INF2: variants seen among roughly 807,000 people sequenced by gnomAD.
INF2 encodes the protein inverted formin-2.
In INF2, 43 loss-of-function variants were observed where a neutral mutation model predicts 123.5. The ratio of observed to expected loss-of-function variants is 0.35; its 90% CI spans 0.27 to 0.45. The LOEUF is 0.45. Ranked by LOEUF, INF2 falls within the 20% of genes least tolerant of loss-of-function variation. The pLI, the probability that INF2 is intolerant of heterozygous loss-of-function variation, is 1.00. For missense variants in INF2, 1,453 were observed against 1,682.7 expected, an observed-to-expected ratio of 0.86 and a Z score of 2.39; for synonymous variants, 851 against 745.0, an observed-to-expected ratio of 1.14 and a Z score of -2.32.
At chr14:104,704,362 A>G in intron 5 of INF2, 1 of 338,370 alleles carries the variant, frequency 3.0e-6, no homozygotes, top group South Asian at 3.6e-5. Context: ...AACTACCTAC[A>G]GGGTACAGTG....
At position 104,684,456 on chromosome 14, in the gene INF2, G is replaced by A; in HGVS notation, c.-104+2874G>A. ...GAACGATGCACACCACCGCGTGGAT[G>A]AGTCTCAGAGACTGTGGAGCGAAAG... On this transcript the variant is annotated intron_variant, in intron 1 of 2. Transcript: ENST00000674723. This position sits in a 1 kb window ranked among gnomAD's most constrained non-coding sequence, Gnocchi z 5.0. 4.7e-6 allele frequency: 1 copy of A among 211,898 alleles called. No individual in the cohort carries two copies. Among genetic ancestry groups the A allele is most frequent in the South Asian group, 7.1e-5 (1 of 14,164 alleles). 13.1% of individuals were successfully genotyped at this position (211,898 alleles called of 1,614,324 possible). A position where few individuals can be genotyped will look rare whatever the true frequency, so the allele number is the denominator to read the frequency against.
exon 1 of INF2, chr14:104,681,307 G>A (rs560331145): frequency 7.4e-6 from 3 of 403,082 alleles, no homozygotes; most frequent in Admixed American, 2.7e-5. Context: ...AGCACTGCCA[G>A]CGAAAGGTGA....
upstream of INF2, among the ~76,000 whole-genome samples, chr14:104,685,705 T>G (rs1415261598): frequency 1.4e-4 from 17 of 119,078 alleles, no homozygotes; most frequent in Admixed American, 5.9e-4. Context: ...ATGGATGTGT[T>G]GGTGGATAGG....
intron 1 of INF2, chr14:104,690,826 C>A (rs1888908653): frequency 1.3e-5 from 2 of 152,292 alleles, no homozygotes; most frequent in Admixed American, 1.3e-4. Context: ...GTGCCTCAGA[C>A]CCCGAGGGTG....
In INF2 at chr14:104,699,479, C is replaced by T. The variant is rs371782336; in HGVS notation, c.-9-1878C>T. 25 of 985,322 alleles carry T rather than the reference C, an allele frequency of 2.5e-5. No homozygotes were observed. The highest frequency in any genetic ancestry group is 4.7e-5 in the South Asian group (1 of 21,280). The allele number at this position is 985,322 out of a possible 1,614,324, so 61.0% of individuals were successfully genotyped here. ...GACCTGAGGCTGCCTGGGAGGGACCCGGCTGTCTCTGGCAGCTCAGCGGTC... is the reference window on the plus strand; with the variant it reads ...GACCTGAGGCTGCCTGGGAGGGACCTGGCTGTCTCTGGCAGCTCAGCGGTC... On this transcript the variant is annotated intron_variant, in intron 1 of 22. Transcript: ENST00000392634. This position sits in a 1 kb window ranked among gnomAD's most constrained non-coding sequence, Gnocchi z 4.7.
chr14:104,685,896 C>T (rs576928630), upstream of INF2, among the ~76,000 whole-genome samples: 1 of 91,902 alleles, frequency 1.1e-5, no homozygotes, highest in African/African-American at 4.5e-5. Flanking sequence ...AATGAATGGG[C>T]AGATGAATGG....
intron 1 of INF2, 92 bp downstream of exon 1, chr14:104,689,831 C>A: frequency 1.3e-6 from 1 of 781,778 alleles, no homozygotes; most frequent in Non-Finnish European, 1.6e-6. Flanking sequence ...GAGCGAGGTT[C>A]CGGGCTGCGG....
At chr14:104,715,079 C>G (rs563215168) in intron 21 of INF2, among the ~76,000 whole-genome samples, 1 of 152,192 alleles carries the variant, frequency 6.6e-6, no homozygotes, top group African/African-American at 2.4e-5. Context: ...CCGACCTTCA[C>G]GCCACCTCCG....
chr14:104,706,051 G>A lies in INF2; in HGVS notation c.718G>A (p.Asp240Asn), dbSNP rs755724154. ...LARLRDLEDADLLIQLEAFEE... is the reference protein window; with the variant it reads ...LARLRDLEDANLLIQLEAFEE... ...CCTGCACAGAGACCTGGAGGATGCC[G>A]ACCTGCTGATCCAGCTGGAGGCTTT... The change falls in exon 6 of 23, where the codon GAC becomes AAC. Residue 240 changes from aspartate (D) to asparagine (N), a missense_variant. Asp to Asn is a conservative substitution (Grantham distance 23). Transcript: ENST00000392634. 14 of 1,612,078 alleles carry A rather than the reference G, an allele frequency of 8.7e-6. No homozygotes were observed. Among genetic ancestry groups the A allele is most frequent in the Admixed American group, 3.3e-5 (2 of 59,982 alleles).
chr14:104,682,775 G>A (rs1346171507), intron 1 of INF2, among the ~76,000 whole-genome samples: 3 of 152,048 alleles, frequency 2.0e-5, no homozygotes, highest in Non-Finnish European at 4.4e-5. Flanking sequence ...CTAGGGGAAG[G>A]GCCACCCCAG....
rs377145979 is a variant in INF2, at chr14:104,712,972, C to G, written c.2755C>G (p.Leu919Val). 5.5e-5 allele frequency: 88 copies of G among 1,612,470 alleles called. No individual in the cohort carries two copies. The highest frequency in any genetic ancestry group is 7.2e-5 in the Non-Finnish European group (85 of 1,179,802). The change falls in exon 18 of 23, where the codon CTT becomes GTT. Residue 919 changes from leucine (L) to valine (V), a missense_variant. Transcript: ENST00000392634. ...CAGCACCATGAAGGCTTTCCGGGAC[C>G]TTTTCCTCCGCGCCCTGAAGGTGGG... is the stretch of plus-strand genomic sequence containing the variant. ...TFSTMKAFRD[L>V]FLRALKENKD...
intron 11 of INF2, 36 bp downstream of exon 11, chr14:104,709,419 G>C (rs1424796676): frequency 6.5e-7 from 1 of 1,534,706 alleles, no homozygotes; most frequent in East Asian, 2.3e-5. Context: ...CCCCCAGTTA[G>C]TGCCACCAAC....
At chr14:104,683,773 G>C (rs1888590464) in intron 1 of INF2, among the ~76,000 whole-genome samples, 1 of 152,092 alleles carries the variant, frequency 6.6e-6, no homozygotes, top group South Asian at 2.1e-4. Flanking sequence ...AAGATCATCA[G>C]GCAAGATCCA....
Position 104,711,316 on chromosome 14 carries a change from T to C in INF2, c.2418+130T>C, listed in dbSNP as rs551245048. Reference sequence around the variant, plus strand: ...GGTCTCCCTGTCTCAGGGCTCCGTCTAGAGCCAGCAGCCTCAGTCAGAGCC... The same window carrying C: ...GGTCTCCCTGTCTCAGGGCTCCGTCCAGAGCCAGCAGCCTCAGTCAGAGCC... On this transcript the variant is annotated intron_variant, in intron 15 of 22. Coordinates refer to ENST00000392634, the MANE Select transcript of INF2 (RefSeq NM_022489.4). The C allele has an allele frequency of 2.5e-4, 207 of 818,772 alleles. 2 individuals are homozygous for C. In the East Asian group the frequency reaches 5.5e-3, roughly 22 times the overall value. The allele number at this position is 818,772 out of a possible 1,614,324, so 50.7% of individuals were successfully genotyped here. A position where few individuals can be genotyped will look rare whatever the true frequency, so the allele number is the denominator to read the frequency against.
chr14:104,718,402 C>T lies in INF2; in HGVS notation c.*2-393C>T, dbSNP rs192906619. 3.3e-3 allele frequency among the ~76,000 whole-genome samples: 500 copies of T among 152,066 alleles called. 3 individuals are homozygous for T. The highest frequency in any genetic ancestry group is 0.012 in the South Asian group (60 of 4,814). Reference sequence around the variant, plus strand: ...CTGGAGAAAGCGCTGCTGGGGTCCTCGTGTGGGGCCCAGGGCCCGACGTGG... The same window carrying T: ...CTGGAGAAAGCGCTGCTGGGGTCCTTGTGTGGGGCCCAGGGCCCGACGTGG... On this transcript the variant is annotated intron_variant, in intron 22 of 22. Transcript: ENST00000392634.
chr14:104,687,495 C>G (rs1293813048), upstream of INF2, among the ~76,000 whole-genome samples: 1 of 151,820 alleles, frequency 6.6e-6, no homozygotes, highest in Non-Finnish European at 1.5e-5. The surrounding 1 kb of genome is among the most constrained non-coding windows in gnomAD (Gnocchi z 5.6). Flanking sequence ...CACACACACA[C>G]AGACACACAC....
intron 22 of INF2, among the ~76,000 whole-genome samples, chr14:104,716,350 C>G (rs1890299065): frequency 6.6e-6 from 1 of 152,268 alleles, no homozygotes; most frequent in Non-Finnish European, 1.5e-5. Flanking sequence ...CGGCCTTCAC[C>G]CTGGGTTCCA....
chr14:104,707,116 G>A (rs7147340), intron 7 of INF2, 65 bp downstream of exon 7: 38 of 1,522,214 alleles, frequency 2.5e-5, no homozygotes, highest in Non-Finnish European at 8.8e-6. Context: ...TTAGACCATG[G>A]GGGGGGGAGC....
At position 104,689,749 on chromosome 14, in the gene INF2, T is replaced by A. The variant is rs1888845941; in HGVS notation, c.-10+10T>A. 1 of 984,898 alleles carries A rather than the reference T, an allele frequency of 1.0e-6. No homozygotes were observed. 61.0% of individuals were successfully genotyped at this position (984,898 alleles called of 1,614,324 possible). A position where few individuals can be genotyped will look rare whatever the true frequency, so the allele number is the denominator to read the frequency against. ...GCCGTTGCCTCACCGGGTAAGTCCTTGGCCTCGGGGTCCGCTTGGAGCTTC... is the reference window on the plus strand; with the variant it reads ...GCCGTTGCCTCACCGGGTAAGTCCTAGGCCTCGGGGTCCGCTTGGAGCTTC... On this transcript the variant is annotated intron_variant, in intron 1 of 22. Coordinates refer to ENST00000392634, the MANE Select transcript of INF2 (RefSeq NM_022489.4).
Sources: gnomAD v4.1 joint callset for allele counts (sites outside exome capture counted in the v4.1 genomes callset) on GRCh38, gnomAD v4.1.1 for gene constraint, Gnocchi (gnomAD v3.1) non-coding constraint, MANE v1.5 for transcripts, NCBI Gene and HGNC (gene_info 2026-07-23, HGNC 2026-07-21) for gene names.